Variants in SLC26A8 observed in about 807,000 individuals in gnomAD.
The protein encoded by SLC26A8 is solute carrier family 26 member 8, also known as testis anion transporter 1.
Under a neutral mutation model 105.0 loss-of-function variants are expected in SLC26A8, and 70 were observed. The ratio of observed to expected loss-of-function variants is 0.67; its 90% CI spans 0.55 to 0.81. SLC26A8 has a LOEUF of 0.81. Ranked by LOEUF, SLC26A8 falls within the 40% of genes least tolerant of loss-of-function variation. The pLI, the probability that SLC26A8 is intolerant of heterozygous loss-of-function variation, is 0.00. For synonymous variants in SLC26A8, 415 were observed against 438.3 expected (o/e 0.95, Z 0.66); for missense variants, 998 against 1,181.8 (o/e 0.84, Z 2.28).
chr6:36,014,470 T>G (rs1761942974), intron 2 of SLC26A8, among the ~76,000 whole-genome samples: 1 of 151,684 alleles, frequency 6.6e-6, no homozygotes. Context: ...ACAAGGGAGA[T>G]TTTGATAAGA....
chr6:35,977,902 T>A (rs575508457), intron 8 of SLC26A8, among the ~76,000 whole-genome samples: 1 of 152,092 alleles, frequency 6.6e-6, no homozygotes, highest in African/African-American at 2.4e-5. Flanking sequence ...CTGGCCAACA[T>A]GGTGAAACCT....
rs1480931968 is a variant in SLC26A8 at position 35,955,420 on chromosome 6, G to A, written c.1964C>T (p.Thr655Ile). ...GTATGGCACTTGGTCTTCGGATGCA[G>A]TTTGGCTTGTGTTCATGCTCTCAAA... is the stretch of plus-strand genomic sequence containing the variant. ...SHFESMNTSQ[T>I]ASEDQVPYTV... Residue 655 changes from threonine to isoleucine, a missense_variant, in exon 17 of 20, where the codon ACT becomes ATT. Thr to Ile is a moderately conservative substitution (Grantham distance 89, BLOSUM62 -1). Coordinates refer to ENST00000490799, the MANE Select transcript of SLC26A8 (RefSeq NM_052961.4). The A allele has an allele frequency of 1.2e-6, 2 of 1,614,206 alleles. No individual in the cohort carries two copies. Among genetic ancestry groups the A allele is most frequent in the Non-Finnish European group, 8.5e-7 (1 of 1,180,046 alleles).
At position 35,997,914 on chromosome 6, in the gene SLC26A8, A is replaced by T; in HGVS notation, c.451T>A (p.Phe151Ile). 1 of 1,613,714 alleles carries T rather than the reference A, an allele frequency of 6.2e-7. No individual in the cohort carries two copies. Among genetic ancestry groups the T allele is most frequent in the Non-Finnish European group, 8.5e-7 (1 of 1,179,816 alleles). Reference protein sequence around the residue: ...GSCHQMSIGSFFLVSALLINV... With the variant: ...GSCHQMSIGSIFLVSALLINV... ...ATCAGCAGAGCACTCACCAGGAAGAAGGAACCTGTGGAAGAAGATGTTAGG... is the reference window on the plus strand; with the variant it reads ...ATCAGCAGAGCACTCACCAGGAAGATGGAACCTGTGGAAGAAGATGTTAGG... Residue 151 changes from phenylalanine (F) to isoleucine (I), a missense_variant, in exon 5 of 20, where the codon TTC becomes ATC. Physicochemically the swap from Phe to Ile is conservative, Grantham distance 21. Coordinates refer to ENST00000490799, the MANE Select transcript of SLC26A8 (RefSeq NM_052961.4).
intron 7 of SLC26A8, 42 bp from the exon 8 acceptor site, chr6:35,982,245 C>A: frequency 6.3e-7 from 1 of 1,584,800 alleles, no homozygotes; most frequent in East Asian, 2.2e-5. Flanking sequence ...CATATGAATA[C>A]CTAAATATAG....
At chr6:35,974,412 G>A (rs1772917320) in intron 10 of SLC26A8, among the ~76,000 whole-genome samples, 1 of 152,092 alleles carries the variant, frequency 6.6e-6, no homozygotes, top group South Asian at 2.1e-4. Flanking sequence ...CAGTCTTTTC[G>A]ACCACCATTC....
intron 10 of SLC26A8, among the ~76,000 whole-genome samples, chr6:35,970,805 C>T (rs1772764131): frequency 6.6e-6 from 1 of 152,126 alleles, no homozygotes; most frequent in Admixed American, 6.5e-5. Context: ...CCAGGCAGAT[C>T]ACCTGAGGTC....
chr6:35,968,603 GTGTGTGTA>G (rs1353266377), intron 11 of SLC26A8, among the ~76,000 whole-genome samples: 13 of 52,390 alleles, frequency 2.5e-4, no homozygotes, highest in South Asian at 7.2e-4. Context: ...GTGTGTGTGT[GTGTGTGTA>G]TATATATATA....
intron 8 of SLC26A8, among the ~76,000 whole-genome samples, chr6:35,979,795 A>G (rs1562041642): frequency 6.6e-6 from 1 of 152,214 alleles, no homozygotes; most frequent in Non-Finnish European, 1.5e-5. Context: ...ACATGGACAC[A>G]GCAGGAGCTA....
intron 17 of SLC26A8, among the ~76,000 whole-genome samples, chr6:35,952,697 T>G (rs1003693189): frequency 1.3e-5 from 2 of 152,130 alleles, no homozygotes; most frequent in Non-Finnish European, 2.9e-5. Flanking sequence ...AAGTTTAATC[T>G]GAGTGGCTGT....
At chr6:35,991,855 T>G (rs1387257534) in intron 6 of SLC26A8, 47 bp from the exon 7 acceptor site, 2 of 1,500,408 alleles carry the variant, frequency 1.3e-6, no homozygotes, top group Admixed American at 2.3e-5. Flanking sequence ...ATGTAGTAAT[T>G]GCCTAAGTCT....
At chr6:35,962,648 C>A (rs1772360940) in intron 11 of SLC26A8, 27 bp from the exon 12 acceptor site, 2 of 1,608,496 alleles carry the variant, frequency 1.2e-6, no homozygotes, top group Non-Finnish European at 1.7e-6. Context: ...AATCATGGTT[C>A]ATTTTCCCTT....
intron 19 of SLC26A8, among the ~76,000 whole-genome samples, chr6:35,948,889 G>A (rs1189053384): frequency 1.3e-5 from 2 of 152,138 alleles, no homozygotes; most frequent in Admixed American, 1.3e-4. Flanking sequence ...AAAAGGGCTG[G>A]AGGGCTAGCA....
At position 36,000,244 on chromosome 6, in the gene SLC26A8, A is replaced by G. The variant is rs183367900; in HGVS notation, c.329-136T>C. On this transcript the variant is annotated intron_variant, in intron 3 of 19. Transcript: ENST00000490799. Reference sequence around the variant, plus strand: ...GTGTGGTAATAGTATTTCTGGACATACAATCCTTCATTAGCACTTTTTATT... The same window carrying G: ...GTGTGGTAATAGTATTTCTGGACATGCAATCCTTCATTAGCACTTTTTATT... 81 of 616,190 alleles carry G rather than the reference A, an allele frequency of 1.3e-4. 1 individual carries two copies. The East Asian group carries it at 2.1e-3, about 16-fold the overall frequency. 38.2% of individuals were successfully genotyped at this position (616,190 alleles called of 1,614,324 possible). A position where few individuals can be genotyped will look rare whatever the true frequency, so the allele number is the denominator to read the frequency against.
rs553817083 is a variant in SLC26A8 at position 35,994,259 on chromosome 6, C to T, written c.628-1585G>A. ...TCTCCCGAGTAGCTGGGACTACAGG[C>T]GCCCGCCACCAAGCCCGGCTAATTT... On this transcript the variant is annotated intron_variant, in intron 5 of 19. Coordinates refer to ENST00000490799, the MANE Select transcript of SLC26A8 (RefSeq NM_052961.4). Among the ~76,000 whole-genome samples the T allele has an allele frequency of 8.6e-5, 13 of 151,024 alleles. No homozygotes were observed. The East Asian group carries it at 1.8e-3, about 21-fold the overall frequency.
At chr6:36,022,996 G>GAA (rs139952027) in intron 1 of SLC26A8, among the ~76,000 whole-genome samples, 251 of 150,250 alleles carry the variant, frequency 1.7e-3, no homozygotes, top group Non-Finnish European at 3.0e-3. Flanking sequence ...TTGCTAGGTA[G>GAA]AAAAAAAGCA....
At chr6:35,994,467 T>G (rs1267032643) in intron 5 of SLC26A8, among the ~76,000 whole-genome samples, 2 of 152,040 alleles carry the variant, frequency 1.3e-5, no homozygotes, top group South Asian at 4.2e-4. Flanking sequence ...TATTTTACTC[T>G]AGTCAGGCCA....
chr6:35,952,185 A>G (rs567565571), intron 17 of SLC26A8, among the ~76,000 whole-genome samples: 4 of 152,216 alleles, frequency 2.6e-5, no homozygotes, highest in East Asian at 1.9e-4. Context: ...TCAAACAACC[A>G]TATTTTGGCA....
Position 35,944,303 on chromosome 6 carries a change from A to G in SLC26A8, c.2510T>C (p.Leu837Pro). ...TGGACTTACATTTTTTTGGCTTCCTAGAAAACTGCTGCTCATTTTATATCT... is the reference window on the plus strand; with the variant it reads ...TGGACTTACATTTTTTTGGCTTCCTGGAAAACTGCTGCTCATTTTATATCT... Reference protein sequence around the residue: ...NSRYKMSSSFLGSQKNVSPGF... With the variant: ...NSRYKMSSSFPGSQKNVSPGF... Residue 837 changes from leucine to proline, a missense_variant, in exon 20 of 20, where the codon CTA becomes CCA. Leu to Pro is a moderately conservative substitution (Grantham distance 98). Transcript: ENST00000490799. The G allele has an allele frequency of 6.2e-7, 1 of 1,613,744 alleles. No homozygotes were observed. Among genetic ancestry groups the G allele is most frequent in the Non-Finnish European group, 8.5e-7 (1 of 1,179,826 alleles).
In SLC26A8 at chr6:35,943,866, A is replaced by G. The variant is rs753488452; in HGVS notation, c.*34T>C. 5 of 1,597,422 alleles carry G rather than the reference A, an allele frequency of 3.1e-6. No individual in the cohort carries two copies. The highest frequency in any genetic ancestry group is 4.3e-6 in the Non-Finnish European group (5 of 1,169,460). On this transcript the variant is annotated 3_prime_UTR_variant, in exon 20 of 20. Transcript: ENST00000490799. The stretch of plus-strand genomic sequence containing the variant: ...CCCTTTTTGGGTAGGAGGATTTGCC[A>G]GCATTATCTGACCCCTTATTTCTAG...
Sources: allele counts gnomAD v4.1 joint callset (sites outside exome capture counted in the v4.1 genomes callset), GRCh38; gene constraint gnomAD v4.1.1; transcripts MANE v1.5; gene names NCBI Gene and HGNC (gene_info 2026-07-23, HGNC 2026-07-21).